Variants in CNTNAP2 observed in about 807,000 individuals in gnomAD.
The protein encoded by CNTNAP2 is contactin-associated protein-like 2.
A neutral mutation model predicts 155.2 loss-of-function variants in CNTNAP2; 98 were observed. The ratio of observed to expected loss-of-function variants is 0.63; its 90% CI spans 0.54 to 0.75. The LOEUF is 0.75. Ranked by LOEUF, CNTNAP2 falls within the 30% of genes least tolerant of loss-of-function variation. The probability of loss-of-function intolerance (pLI) is 0.00; values close to 1 mark genes in which losing one functional copy is unlikely to be tolerated. For synonymous variants in CNTNAP2, 651 were observed against 631.2 expected (o/e 1.03, Z -0.47); for missense variants, 1,727 against 1,688.1 (o/e 1.02, Z -0.40).
chr7:146,905,100 T>G (rs1796090509), intron 3 of CNTNAP2, among the ~76,000 whole-genome samples: 2 of 152,130 alleles, frequency 1.3e-5, no homozygotes, highest in Non-Finnish European at 2.9e-5. Context: ...CCCATAGGCC[T>G]AACAGGTGCC....
At chr7:146,365,488 G>C (rs1795142251) in intron 1 of CNTNAP2, among the ~76,000 whole-genome samples, 1 of 152,074 alleles carries the variant, frequency 6.6e-6, no homozygotes, top group African/African-American at 2.4e-5. Flanking sequence ...AAGCATAAAG[G>C]ACAGATACAT....
intron 13 of CNTNAP2, among the ~76,000 whole-genome samples, chr7:147,742,370 G>C (rs1456097139): frequency 6.6e-6 from 1 of 152,126 alleles, no homozygotes; most frequent in Non-Finnish European, 1.5e-5. Flanking sequence ...TAATAGCCAA[G>C]TACATTTGCT....
At chr7:146,794,623 C>T (rs967965403) in intron 2 of CNTNAP2, among the ~76,000 whole-genome samples, 68 of 152,140 alleles carry the variant, frequency 4.5e-4, no homozygotes, top group Middle Eastern at 3.4e-3. Flanking sequence ...ATAACTTTCC[C>T]ATGGTGTCTG....
chr7:148,217,272 C>G lies in CNTNAP2; in HGVS notation c.3011-16C>G. On this transcript the variant is annotated splice_polypyrimidine_tract_variant and intron_variant, in intron 18 of 23. Transcript: ENST00000361727. ...ACCTCTCCTCATTTTTCAATTCTCT[C>G]TCTCCTTTATAACAGATGTTGGTGC... 6.2e-7 allele frequency: 1 copy of G among 1,613,174 alleles called. No individual in the cohort carries two copies. The highest frequency in any genetic ancestry group is 8.5e-7 in the Non-Finnish European group (1 of 1,179,178).
At chr7:147,342,295 A>AC (rs1795778912) in intron 9 of CNTNAP2, among the ~76,000 whole-genome samples, 1 of 152,132 alleles carries the variant, frequency 6.6e-6, no homozygotes, top group Non-Finnish European at 1.5e-5. Context: ...AAGGCTTCTA[A>AC]TGTATCTAAT....
At chr7:147,956,045 T>C (rs148526789) in intron 14 of CNTNAP2, among the ~76,000 whole-genome samples, 2 of 152,322 alleles carry the variant, frequency 1.3e-5, no homozygotes, top group East Asian at 1.9e-4. Flanking sequence ...CCAGAATTTA[T>C]AGCTTACTTA....
chr7:147,353,982 G>GT (rs144161622), intron 9 of CNTNAP2, among the ~76,000 whole-genome samples: 32 of 150,952 alleles, frequency 2.1e-4, no homozygotes, highest in Non-Finnish European at 3.2e-4. Flanking sequence ...ACTTTTTGAT[G>GT]TTTTTTTTTT....
At chr7:147,207,029 G>A (rs765841881) in intron 8 of CNTNAP2, among the ~76,000 whole-genome samples, 7 of 152,104 alleles carry the variant, frequency 4.6e-5, no homozygotes, top group Non-Finnish European at 8.8e-5. Flanking sequence ...CCAAGGAAGT[G>A]AGTTAATACA....
intron 3 of CNTNAP2, among the ~76,000 whole-genome samples, chr7:146,874,767 T>G (rs1562982483): frequency 6.6e-6 from 1 of 152,250 alleles, no homozygotes; most frequent in Non-Finnish European, 1.5e-5. Context: ...AATAAAATTG[T>G]ATGATAACAC....
At chr7:147,258,198 G>GT (rs11434194) in intron 8 of CNTNAP2, among the ~76,000 whole-genome samples, 23,996 of 151,952 alleles carry the variant, frequency 0.16, 1,993 homozygotes, top group Middle Eastern at 0.21. Context: ...AAGTGAATTT[G>GT]TTTTTTTATT....
intron 10 of CNTNAP2, among the ~76,000 whole-genome samples, chr7:147,405,539 T>G (rs1396825737): frequency 6.6e-6 from 1 of 152,198 alleles, no homozygotes; most frequent in Admixed American, 6.5e-5. Context: ...ATATGCTCCC[T>G]AACATGCTGT....
intron 14 of CNTNAP2, among the ~76,000 whole-genome samples, chr7:147,924,001 C>G (rs1056205420): frequency 6.6e-6 from 1 of 152,208 alleles, no homozygotes; most frequent in Non-Finnish European, 1.5e-5. Context: ...CCAGAGATGG[C>G]CATTCCCCTC....
At chr7:146,803,577 C>A (rs1585097888) in intron 2 of CNTNAP2, among the ~76,000 whole-genome samples, 1 of 152,124 alleles carries the variant, frequency 6.6e-6, no homozygotes, top group East Asian at 1.9e-4. Context: ...AGCAGGTAAC[C>A]AGAAGCGATC....
chr7:148,198,565 C>T (rs571881113), intron 18 of CNTNAP2, among the ~76,000 whole-genome samples: 5 of 152,228 alleles, frequency 3.3e-5, no homozygotes, highest in South Asian at 2.1e-4. Flanking sequence ...GGATTGTGAC[C>T]GTATGTGTCC....
intron 3 of CNTNAP2, among the ~76,000 whole-genome samples, chr7:147,037,625 C>T (rs1799180863): frequency 2.0e-5 from 3 of 152,040 alleles, no homozygotes; most frequent in East Asian, 3.9e-4. Context: ...CCATGCCTGG[C>T]TAATTTTTTG....
chr7:147,839,457 G>T (rs1222973342), intron 13 of CNTNAP2, among the ~76,000 whole-genome samples: 2 of 152,182 alleles, frequency 1.3e-5, no homozygotes, highest in Non-Finnish European at 2.9e-5. Context: ...TGGCGGTAAA[G>T]GAACATTTCC....
intron 2 of CNTNAP2, among the ~76,000 whole-genome samples, chr7:146,791,444 G>C (rs1802672373): frequency 6.6e-6 from 1 of 152,066 alleles, no homozygotes; most frequent in Non-Finnish European, 1.5e-5. Flanking sequence ...ATAATCCTTT[G>C]GGTATCAGTC....
At chr7:146,830,416 T>C (rs1803488392) in intron 2 of CNTNAP2, among the ~76,000 whole-genome samples, 1 of 152,150 alleles carries the variant, frequency 6.6e-6, no homozygotes, top group Non-Finnish European at 1.5e-5. Context: ...ATGTTCATTG[T>C]GTGATAATTC....
At chr7:146,119,150 G>A (rs1304337692) in intron 1 of CNTNAP2, among the ~76,000 whole-genome samples, 2 of 152,004 alleles carry the variant, frequency 1.3e-5, no homozygotes, top group Non-Finnish European at 1.5e-5. Flanking sequence ...ATGAATCTAA[G>A]ATAATGAGCA....
Sources: allele counts gnomAD v4.1 joint callset (sites outside exome capture counted in the v4.1 genomes callset), GRCh38; gene constraint gnomAD v4.1.1; transcripts MANE v1.5; gene names NCBI Gene and HGNC (gene_info 2026-07-23, HGNC 2026-07-21).